AMOTL2: variants seen among roughly 807,000 people sequenced by gnomAD.
AMOTL2 encodes the protein angiomotin like 2.
AMOTL2 carries 33 observed loss-of-function variants against 78.4 expected under a neutral mutation model. The observed-to-expected ratio is 0.42, with a 90% CI of 0.32 to 0.56. The LOEUF is 0.56. AMOTL2 is among the 20% of genes least tolerant of loss of function. The probability of loss-of-function intolerance (pLI) is 0.12; values close to 1 mark genes in which losing one functional copy is unlikely to be tolerated. For synonymous variants in AMOTL2, 422 were observed against 428.8 expected (o/e 0.98, Z 0.20); for missense variants, 983 against 1,030.1 (o/e 0.95, Z 0.63).
At position 134,371,190 on chromosome 3, in the gene AMOTL2, C is replaced by T. The variant is rs779563336; in HGVS notation, c.244G>A (p.Gly82Ser). Reference sequence around the variant, plus strand: ...GTGTTCTCTGCCAGGTGGTTCTCACCGCCCTGGTGCTCCTGGCCCTGGGGC... The same window carrying T: ...GTGTTCTCTGCCAGGTGGTTCTCACTGCCCTGGTGCTCCTGGCCCTGGGGC... The part of the protein sequence containing the change: ...QEPQGQEHQG[G>S]ENHLAENTLY... Residue 82 changes from glycine to serine, a missense_variant, in exon 2 of 10, where the codon GGT becomes AGT. Gly to Ser is a moderately conservative substitution (Grantham distance 56). Coordinates refer to ENST00000249883, the MANE Select transcript of AMOTL2 (RefSeq NM_016201.4). 1.3e-5 allele frequency: 21 copies of T among 1,613,722 alleles called. No homozygotes were observed. The highest frequency in any genetic ancestry group is 9.3e-5 in the African/African-American group (7 of 74,930).
intron 1 of AMOTL2, among the ~76,000 whole-genome samples, chr3:134,372,530 A>AACACACACACACACACACACAC (rs58443336): frequency 8.6e-4 from 124 of 144,440 alleles, no homozygotes; most frequent in African/African-American, 1.7e-3. Flanking sequence ...TATCCTCCCC[A>AACACACACACACACACACACAC]ACACACACAC....
intron 5 of AMOTL2, among the ~76,000 whole-genome samples, chr3:134,362,159 G>A (rs993188926): frequency 1.3e-5 from 2 of 152,158 alleles, no homozygotes; most frequent in African/African-American, 4.8e-5. Flanking sequence ...GTGACGGCTC[G>A]AGACTGTTGA....
At chr3:134,363,198 G>GGGGCA (rs1298403812) in intron 5 of AMOTL2, among the ~76,000 whole-genome samples, 3 of 152,250 alleles carry the variant, frequency 2.0e-5, no homozygotes, top group Non-Finnish European at 4.4e-5. Context: ...TCAGGTCCCT[G>GGGGCA]GGGCAGGGCA....
chr3:134,356,116 T>G lies in AMOTL2; in HGVS notation c.*1589A>C, dbSNP rs924728124. The G allele has an allele frequency of 2.6e-5, 4 of 152,606 alleles. No homozygotes were observed. Among genetic ancestry groups the G allele is most frequent in the Non-Finnish European group, 4.4e-5 (3 of 68,042 alleles). 9.5% of individuals were successfully genotyped at this position (152,606 alleles called of 1,614,324 possible). A position where few individuals can be genotyped will look rare whatever the true frequency, so the allele number is the denominator to read the frequency against. ...AAGTTGTTTTTTTTCTTTCACAATATTTTTTGCCTTTTTTTCCTCTTTTTT... is the reference window on the plus strand; with the variant it reads ...AAGTTGTTTTTTTTCTTTCACAATAGTTTTTGCCTTTTTTTCCTCTTTTTT... On this transcript the variant is annotated 3_prime_UTR_variant, in exon 10 of 10. Coordinates refer to ENST00000249883, the MANE Select transcript of AMOTL2 (RefSeq NM_016201.4).
chr3:134,369,909 G>C lies in AMOTL2; in HGVS notation c.734+791C>G, dbSNP rs144569717. Among the ~76,000 whole-genome samples, 41 of 152,318 alleles carry C rather than the reference G, an allele frequency of 2.7e-4. 1 individual carries two copies. In the East Asian group the frequency reaches 7.5e-3, roughly 28 times the overall value. On this transcript the variant is annotated intron_variant, in intron 2 of 9. Coordinates refer to ENST00000249883, the MANE Select transcript of AMOTL2 (RefSeq NM_016201.4). ...AACACTTATTTCTCCAAACTCTCTA[G>C]ACTTCTTGCCTCCCCGGGTCTTCCT...
chr3:134,368,465 CTA>C (rs1307509100), intron 2 of AMOTL2, among the ~76,000 whole-genome samples: 3 of 152,124 alleles, frequency 2.0e-5, no homozygotes, highest in Non-Finnish European at 2.9e-5. Context: ...AGTCTGAGCT[CTA>C]GAGTCTGACA....
chr3:134,368,974 C>T (rs1403844413), intron 2 of AMOTL2, among the ~76,000 whole-genome samples: 2 of 152,146 alleles, frequency 1.3e-5, no homozygotes, highest in African/African-American at 4.8e-5. Flanking sequence ...AGAAGCCCCG[C>T]AAAAACCGAA....
chr3:134,375,117 G>A, upstream of AMOTL2: 2 of 1,516,826 alleles, frequency 1.3e-6, no homozygotes, highest in East Asian at 4.9e-5. Context: ...ACCTTCGCCA[G>A]CTATTTTACG....
Position 134,371,196 on chromosome 3 carries a change from G to T in AMOTL2, c.238C>A (p.Gln80Lys). 1 of 1,613,774 alleles carries T rather than the reference G, an allele frequency of 6.2e-7. No homozygotes were observed. The highest frequency in any genetic ancestry group is 2.2e-5 in the East Asian group (1 of 44,868). Reference protein sequence around the residue: ...TRQEPQGQEHQGGENHLAENT... With the variant: ...TRQEPQGQEHKGGENHLAENT... ...TCTGCCAGGTGGTTCTCACCGCCCT[G>T]GTGCTCCTGGCCCTGGGGCTCCTGC... Residue 80 changes from glutamine to lysine, a missense_variant, in exon 2 of 10, where the codon CAG becomes AAG. Coordinates refer to ENST00000249883, the MANE Select transcript of AMOTL2 (RefSeq NM_016201.4).
upstream of AMOTL2, chr3:134,374,509 C>A: frequency 1.0e-6 from 1 of 985,584 alleles, no homozygotes; most frequent in Non-Finnish European, 1.2e-6. Context: ...GCTGCTATGC[C>A]AGGAATGTGA....
rs1165709902 is a variant in AMOTL2 at position 134,370,867 on chromosome 3, G to A, written c.567C>T (p.Arg189=). ...CCCTCAGTGGGGGGCCCTGCTGGTT[G>A]CGGGCCAGCTGTGGGAAGCTGTGGG... ...SSSHSFPQLA[R]NQQGPPLRGP... Residue 189 remains arginine, a synonymous_variant, in exon 2 of 10, where the codon CGC becomes CGT. Coordinates refer to ENST00000249883, the MANE Select transcript of AMOTL2 (RefSeq NM_016201.4). 1.9e-6 allele frequency: 3 copies of A among 1,607,662 alleles called. No individual in the cohort carries two copies.
intron 1 of AMOTL2, 147 bp downstream of exon 1, chr3:134,374,195 C>A: frequency 1.0e-6 from 1 of 977,496 alleles, no homozygotes; most frequent in Non-Finnish European, 1.2e-6. Context: ...GCGGCTGCCT[C>A]GAAAGGGCGC....
rs1015271656 is a variant in AMOTL2, at chr3:134,374,389, G to A, written c.-109C>T. ...GCGCAGTCAGACACCACAACCTCCGGCTCGGCCCAGCTCAGCTCGGCGGCG... is the reference window on the plus strand; with the variant it reads ...GCGCAGTCAGACACCACAACCTCCGACTCGGCCCAGCTCAGCTCGGCGGCG... On this transcript the variant is annotated 5_prime_UTR_variant, in exon 1 of 10. Coordinates refer to ENST00000249883, the MANE Select transcript of AMOTL2 (RefSeq NM_016201.4). The A allele has an allele frequency of 6.1e-6, 6 of 985,272 alleles. No homozygotes were observed. Among genetic ancestry groups the A allele is most frequent in the African/African-American group, 3.5e-5 (2 of 57,320 alleles). 61.0% of individuals were successfully genotyped at this position (985,272 alleles called of 1,614,324 possible).
intron 9 of AMOTL2, 44 bp downstream of exon 9, chr3:134,358,496 C>T: frequency 6.3e-7 from 1 of 1,579,278 alleles, no homozygotes; most frequent in Non-Finnish European, 8.6e-7. Context: ...CCCCAGTGCC[C>T]CCTCGGCCCT....
intron 9 of AMOTL2, among the ~76,000 whole-genome samples, chr3:134,358,053 T>C (rs1234104442): frequency 6.6e-6 from 1 of 152,190 alleles, no homozygotes; most frequent in Non-Finnish European, 1.5e-5. Context: ...AGCATTCTTT[T>C]CATGCCTGTG....
intron 9 of AMOTL2, among the ~76,000 whole-genome samples, chr3:134,358,066 T>C (rs889673504): frequency 2.0e-5 from 3 of 152,190 alleles, no homozygotes; most frequent in African/African-American, 7.2e-5. Flanking sequence ...TGCCTGTGGT[T>C]TTCTGAGATC....
Position 134,359,380 on chromosome 3 carries a change from T to C in AMOTL2, c.2007A>G (p.Pro669=). 4 of 1,614,212 alleles carry C rather than the reference T, an allele frequency of 2.5e-6. No homozygotes were observed. Among genetic ancestry groups the C allele is most frequent in the Non-Finnish European group, 3.4e-6 (4 of 1,180,040 alleles). Residue 669 remains proline (P), a synonymous_variant, in exon 8 of 10, where the codon CCA becomes CCG. Coordinates refer to ENST00000249883, the MANE Select transcript of AMOTL2 (RefSeq NM_016201.4). ...CTGCTGCCGCAGCCGCGAAAACAGA[T>C]GGCACCGACTTGGCAGGCCGCAGGG... ...QGSLRPAKSV[P]SVFAAAAAGT... is the part of the protein sequence containing the mutation.
chr3:134,367,411 C>T (rs2017655401), intron 3 of AMOTL2, 86 bp downstream of exon 3: 3 of 1,495,320 alleles, frequency 2.0e-6, no homozygotes, highest in South Asian at 1.2e-5. Context: ...TCAGGCTCCT[C>T]TGCCTCTCCT....
intron 1 of AMOTL2, chr3:134,373,504 C>G (rs2017959014): frequency 3.0e-6 from 3 of 985,582 alleles, no homozygotes; most frequent in Non-Finnish European, 3.6e-6. Context: ...TTCCGCGCCC[C>G]CGGCCGCGAA....
Sources: gnomAD v4.1 joint callset for allele counts (sites outside exome capture counted in the v4.1 genomes callset) on GRCh38, gnomAD v4.1.1 for gene constraint, MANE v1.5 for transcripts, NCBI Gene and HGNC (gene_info 2026-07-23, HGNC 2026-07-21) for gene names.